SPATA9: variants seen among roughly 807,000 people sequenced by gnomAD.
The protein encoded by SPATA9 is spermatogenesis associated 9.
A neutral mutation model predicts 25.5 loss-of-function variants in SPATA9; 27 were observed. The ratio of observed to expected loss-of-function variants is 1.06; its 90% confidence interval spans 0.78 to 1.46. The LOEUF (loss-of-function observed/expected upper bound fraction) is 1.46, where lower values mean the gene tolerates loss of function less well. SPATA9 is among the 40% of genes most tolerant of loss of function. SPATA9 has a pLI of 0.00. For synonymous variants in SPATA9, 102 were observed against 105.7 expected (o/e 0.97, Z 0.21); for missense variants, 282 against 297.5 (o/e 0.95, Z 0.38).
chr5:95,694,109 A>G (rs1452241225), intron 1 of SPATA9, among the ~76,000 whole-genome samples: 2 of 152,152 alleles, frequency 1.3e-5, no homozygotes, highest in Non-Finnish European at 2.9e-5. Flanking sequence ...GCAGTGACCC[A>G]TGCTCACACC....
At chr5:95,667,317 G>C (rs1439380847) in intron 3 of SPATA9, among the ~76,000 whole-genome samples, 1 of 151,420 alleles carries the variant, frequency 6.6e-6, no homozygotes. Flanking sequence ...GCTAAGAGTG[G>C]GGGGGTGGGG....
chr5:95,696,222 A>G (rs1238797464), intron 1 of SPATA9, among the ~76,000 whole-genome samples: 1 of 152,246 alleles, frequency 6.6e-6, no homozygotes, highest in East Asian at 1.9e-4. Flanking sequence ...GATAATAAAT[A>G]TCAACTGTTT....
downstream of SPATA9, among the ~76,000 whole-genome samples, chr5:95,655,777 G>A (rs976745729): frequency 5.3e-5 from 8 of 152,176 alleles, no homozygotes; most frequent in African/African-American, 2.4e-5. Context: ...ACATCTAATA[G>A]ATAACAGCAC....
chr5:95,669,996 T>A (rs78586493), intron 3 of SPATA9, among the ~76,000 whole-genome samples: 1 of 152,126 alleles, frequency 6.6e-6, no homozygotes, highest in Non-Finnish European at 1.5e-5. Flanking sequence ...AACCCTCTTC[T>A]AACAAGGTGG....
At chr5:95,719,584 C>T in the SPATA9 span, 1 of 152,320 alleles carries the variant, frequency 6.6e-6, no homozygotes, top group African/African-American at 2.4e-5. Context: ...TACATCACTA[C>T]TTGATATGAG....
At chr5:95,681,947 G>T (rs965847112) in intron 2 of SPATA9, among the ~76,000 whole-genome samples, 2 of 152,066 alleles carry the variant, frequency 1.3e-5, no homozygotes, top group African/African-American at 2.4e-5. Flanking sequence ...GAGTAAATTA[G>T]GTTACATGTG....
intron 1 of SPATA9, among the ~76,000 whole-genome samples, chr5:95,690,703 A>T (rs1753859444): frequency 6.6e-6 from 1 of 152,190 alleles, no homozygotes; most frequent in South Asian, 2.1e-4. Context: ...TATTCCAGCC[A>T]AAAAATTCCA....
the SPATA9 span, chr5:95,731,488 C>G: frequency 8.1e-7 from 1 of 1,239,352 alleles, no homozygotes; most frequent in Non-Finnish European, 1.0e-6. Flanking sequence ...CGCTAGCCCG[C>G]CCTGGTCCCC....
intron 1 of SPATA9, among the ~76,000 whole-genome samples, chr5:95,697,472 CAGAG>C (rs1357206949): frequency 6.6e-6 from 1 of 152,004 alleles, no homozygotes. Flanking sequence ...GAGAGAGAGA[CAGAG>C]AGAGAACAAG....
At chr5:95,657,986 G>A (rs1750871367), downstream of SPATA9, 1 of 152,062 alleles carries the variant, frequency 6.6e-6, no homozygotes, top group Admixed American at 6.5e-5. Flanking sequence ...TTTCTCATAG[G>A]AGCCACTGGC....
At chr5:95,689,826 T>C (rs573838273) in intron 1 of SPATA9, among the ~76,000 whole-genome samples, 4 of 152,222 alleles carry the variant, frequency 2.6e-5, no homozygotes, top group Admixed American at 6.5e-5. Context: ...AAATGTGGTA[T>C]ATACCCACCA....
chr5:95,695,949 C>T (rs1754010382), intron 1 of SPATA9, among the ~76,000 whole-genome samples: 1 of 152,214 alleles, frequency 6.6e-6, no homozygotes, highest in Non-Finnish European at 1.5e-5. Context: ...ATCCCCATCT[C>T]TCTCTAAGGA....
chr5:95,701,839 C>T (rs1282742132), upstream of SPATA9, among the ~76,000 whole-genome samples: 2 of 152,090 alleles, frequency 1.3e-5, no homozygotes, highest in Non-Finnish European at 1.5e-5. Flanking sequence ...GCTTGACAGA[C>T]TTCATATGTT....
In SPATA9 at chr5:95,658,840, C is replaced by T. The variant is rs770976717; in HGVS notation, c.548G>A (p.Arg183Lys). 1.2e-6 allele frequency: 2 copies of T among 1,613,994 alleles called. No individual in the cohort carries two copies. Among genetic ancestry groups the T allele is most frequent in the South Asian group, 2.2e-5 (2 of 91,084 alleles). The change falls in exon 5 of 5, where the codon AGA (arginine) becomes AAA (lysine). Residue 183 changes from arginine (R) to lysine (K), a missense_variant. By Grantham distance (26) the Arg-to-Lys change is conservative. Coordinates refer to ENST00000274432, the MANE Select transcript of SPATA9 (RefSeq NM_031952.4). ...FQEEESIRQN[R>K]EESENCRKAF... is the part of the protein sequence containing the mutation. ...TTTTCTACAATTTTCACTCTCCTCT[C>T]TGTTTTGCCTTATGGATTCTTCTTC...
the SPATA9 span, chr5:95,730,983 T>TCC: frequency 1.7e-6 from 1 of 571,744 alleles, no homozygotes; most frequent in African/African-American, 1.9e-5. Flanking sequence ...TTCCCTAACC[T>TCC]CCTTTTTCCA....
At chr5:95,654,295 T>A (rs772587611), downstream of SPATA9, 149 of 1,610,464 alleles carry the variant, frequency 9.3e-5, no homozygotes, top group Non-Finnish European at 1.3e-4. Flanking sequence ...AAATTTCAGT[T>A]TTTTAGTGAC....
upstream of SPATA9, chr5:95,684,470 A>G (rs1753679419): frequency 6.6e-6 from 1 of 152,140 alleles, no homozygotes; most frequent in Admixed American, 6.5e-5. Context: ...TCTCCCTCCT[A>G]GGCATCCTAT....
At chr5:95,704,099 T>C in the SPATA9 span, among the ~76,000 whole-genome samples, 1 of 152,252 alleles carries the variant, frequency 6.6e-6, no homozygotes, top group African/African-American at 2.4e-5. Flanking sequence ...AGTCTCACTT[T>C]GATGTAAGTG....
chr5:95,725,489 C>G, the SPATA9 span, among the ~76,000 whole-genome samples: 1 of 152,358 alleles, frequency 6.6e-6, no homozygotes, highest in African/African-American at 2.4e-5. Flanking sequence ...TGTGCACACA[C>G]ACAAGCGCAC....
Sources: gnomAD v4.1 joint callset for allele counts (sites outside exome capture counted in the v4.1 genomes callset) on GRCh38, gnomAD v4.1.1 for gene constraint, MANE v1.5 for transcripts, NCBI Gene and HGNC (gene_info 2026-07-23, HGNC 2026-07-21) for gene names.